The following CD8B variants were observed in gnomAD, a reference collection of about 807,000 sequenced individuals.
CD8B encodes the protein CD8 subunit beta.
CD8B carries 6 observed loss-of-function variants against 24.2 expected under a neutral mutation model. The observed-to-expected ratio is 0.25, with a 90% CI of 0.14 to 0.49. CD8B has a LOEUF of 0.49. CD8B is among the 20% of genes least tolerant of loss of function. The probability of loss-of-function intolerance (pLI) is 0.98; values close to 1 mark genes in which losing one functional copy is unlikely to be tolerated. For missense variants in CD8B, 196 were observed against 271.3 expected, an observed-to-expected ratio of 0.72 and a Z score of 1.95; for synonymous variants, 84 against 108.3, an observed-to-expected ratio of 0.78 and a Z score of 1.39.
rs983990583 is a variant in CD8B, at chr2:86,843,874, C to T, written c.620+1048G>A. 2.3e-4 allele frequency among the ~76,000 whole-genome samples: 35 copies of T among 152,250 alleles called. 1 individual carries two copies. Among genetic ancestry groups the T allele is most frequent in the South Asian group, 1.7e-3 (8 of 4,832 alleles). On this transcript the variant is annotated intron_variant, in intron 5 of 5. Coordinates refer to ENST00000390655, the MANE Select transcript of CD8B (RefSeq NM_004931.5). The stretch of plus-strand genomic sequence containing the variant: ...TGGCTGTCACATGGTGATTGGCAGA[C>T]GGGATTCAAACCCAGCCCTGTCTCC...
Position 86,815,676 on chromosome 2 carries a change from G to T in CD8B, c.663C>A (p.Cys221Ter). ...TAGTATTGCTGTAGTATCCATGCAG[G>T]CATTGGGGGACAAAGGTTCCTGATA... The change falls in exon 6 of 6, where the codon TGC (cysteine) becomes TGA (stop). Residue 221 changes from cysteine (C) to a stop codon, truncating the protein, a stop_gained. Coordinates refer to the CD8B transcript ENST00000331469. LOFTEE classifies it low-confidence loss of function (END_TRUNC). 6.2e-7 allele frequency: 1 copy of T among 1,613,210 alleles called. No homozygotes were observed. Among genetic ancestry groups the T allele is most frequent in the Non-Finnish European group, 8.5e-7 (1 of 1,179,196 alleles).
chr2:86,846,739 C>G lies in CD8B; in HGVS notation c.528G>C (p.Leu176=). The change falls in exon 4 of 6, where the codon CTG becomes CTC. Residue 176 remains leucine, a synonymous_variant. Coordinates refer to ENST00000390655, the MANE Select transcript of CD8B (RefSeq NM_004931.5). ...CCAGCAGAACCAGGACGCCAGCCAC[C>G]AGCAGGCCAAGGGTGATGGGGCTAC... is the stretch of plus-strand genomic sequence containing the variant. ...PLCSPITLGL[L]VAGVLVLLVS... 1 of 1,585,120 alleles carries G rather than the reference C, an allele frequency of 6.3e-7. No homozygotes were observed. The highest frequency in any genetic ancestry group is 1.2e-5 in the South Asian group (1 of 86,498).
intron 2 of CD8B, among the ~76,000 whole-genome samples, chr2:86,855,837 T>C (rs1676209666): frequency 6.6e-6 from 1 of 152,220 alleles, no homozygotes; most frequent in South Asian, 2.1e-4. Flanking sequence ...CTCAGTGCCT[T>C]GGCTGGGCAC....
chr2:86,861,596 G>A (rs1164898027), intron 1 of CD8B, among the ~76,000 whole-genome samples: 7 of 152,290 alleles, frequency 4.6e-5, no homozygotes, highest in East Asian at 3.9e-4. Flanking sequence ...TTTGAGGGGA[G>A]GTGGCCTCAG....
At chr2:86,850,999 G>C (rs1272259465) in intron 3 of CD8B, among the ~76,000 whole-genome samples, 1 of 151,362 alleles carries the variant, frequency 6.6e-6, no homozygotes, top group Non-Finnish European at 1.5e-5. Context: ...GCTGAGGCAG[G>C]AGAATCACTT....
downstream of CD8B, among the ~76,000 whole-genome samples, chr2:86,835,660 T>A (rs1675147791): frequency 6.6e-6 from 1 of 151,272 alleles, no homozygotes; most frequent in Admixed American, 6.6e-5. Context: ...AAGAGGAGCC[T>A]CCACCCCTCC....
chr2:86,835,447 C>T (rs946673349), downstream of CD8B, among the ~76,000 whole-genome samples: 38 of 152,286 alleles, frequency 2.5e-4, no homozygotes, highest in East Asian at 9.7e-4. Context: ...AAGGCAGGCC[C>T]GCCTTTTGTG....
chr2:86,818,020 G>A (rs991844922), intron 5 of CD8B, among the ~76,000 whole-genome samples: 3 of 152,044 alleles, frequency 2.0e-5, no homozygotes, highest in African/African-American at 7.2e-5. Flanking sequence ...GACCAGCCTG[G>A]CCAACATGAT....
intron 3 of CD8B, among the ~76,000 whole-genome samples, chr2:86,848,557 C>T (rs1441480081): frequency 6.6e-6 from 1 of 151,906 alleles, no homozygotes; most frequent in Non-Finnish European, 1.5e-5. Flanking sequence ...GGCAAGGCTG[C>T]AGATTTGGGC....
At chr2:86,842,408 G>C in intron 5 of CD8B, 89 bp from the exon 6 acceptor site, 2 of 1,572,538 alleles carry the variant, frequency 1.3e-6, no homozygotes, top group Non-Finnish European at 1.7e-6. Context: ...AAATGAGAAT[G>C]CAGAGTTCTA....
chr2:86,843,356 C>A (rs1306862027), intron 5 of CD8B: 1 of 718,436 alleles, frequency 1.4e-6, no homozygotes, highest in Admixed American at 6.3e-5. Context: ...TTGGGCCTCC[C>A]AAAGTGCTGG....
chr2:86,833,346 A>C (rs1353596046), downstream of CD8B, among the ~76,000 whole-genome samples: 1 of 151,574 alleles, frequency 6.6e-6, no homozygotes, highest in Non-Finnish European at 1.5e-5. Context: ...TGCCCGGCTA[A>C]TTTTTGTATT....
downstream of CD8B, among the ~76,000 whole-genome samples, chr2:86,836,480 G>C (rs951210344): frequency 6.6e-6 from 1 of 152,140 alleles, no homozygotes; most frequent in Non-Finnish European, 1.5e-5. Flanking sequence ...AGATATATTT[G>C]AACCAGCATC....
At chr2:86,819,168 CCTT>C (rs1674371224) in intron 5 of CD8B, among the ~76,000 whole-genome samples, 1 of 152,182 alleles carries the variant, frequency 6.6e-6, no homozygotes, top group African/African-American at 2.4e-5. Context: ...GATACCATCT[CCTT>C]AACATCAAAA....
chr2:86,851,714 A>T (rs901233033), intron 3 of CD8B, among the ~76,000 whole-genome samples: 3 of 152,182 alleles, frequency 2.0e-5, no homozygotes, highest in Non-Finnish European at 4.4e-5. Context: ...TCTGGGTAGC[A>T]GCAGATGGCA....
chr2:86,849,647 T>C (rs1457123997), intron 3 of CD8B, among the ~76,000 whole-genome samples: 1 of 152,068 alleles, frequency 6.6e-6, no homozygotes, highest in Non-Finnish European at 1.5e-5. Context: ...ATCATTGAAT[T>C]TGTATGCTTA....
In CD8B at chr2:86,839,182, T is replaced by G. The variant is rs1675304808; in HGVS notation, c.*3125A>C. Among the ~76,000 whole-genome samples the G allele has an allele frequency of 6.6e-6, 1 of 152,252 alleles. No individual in the cohort carries two copies. The highest frequency in any genetic ancestry group is 2.1e-4 in the South Asian group (1 of 4,836). On this transcript the variant is annotated 3_prime_UTR_variant, in exon 6 of 6. Coordinates refer to ENST00000390655, the MANE Select transcript of CD8B (RefSeq NM_004931.5). ...ATAATCTATACAGATGTTTTAAAAATATATGCATTTGTCATAACCATCATT... is the reference window on the plus strand; with the variant it reads ...ATAATCTATACAGATGTTTTAAAAAGATATGCATTTGTCATAACCATCATT...
chr2:86,824,575 C>T (rs891593213), intron 5 of CD8B, among the ~76,000 whole-genome samples: 1 of 152,202 alleles, frequency 6.6e-6, no homozygotes, highest in Non-Finnish European at 1.5e-5. Context: ...AACCCATTCC[C>T]TTCCTGGGGT....
rs1157282769 is a variant in CD8B, at chr2:86,846,936, T to C, written c.494-163A>G. Among the ~76,000 whole-genome samples, 177 of 127,060 alleles carry C rather than the reference T, an allele frequency of 1.4e-3. 5 individuals are homozygous for C. Among genetic ancestry groups the C allele is most frequent in the African/African-American group, 5.1e-3 (159 of 31,332 alleles). The allele number at this position is 127,060 out of a possible 152,430, so 83.4% of individuals were successfully genotyped here. A position where few individuals can be genotyped will look rare whatever the true frequency, so the allele number is the denominator to read the frequency against. ...GTATTTTTCCTCAAGTATTTTTTTT[T>C]TTTTTTTTTTTTTTTTTTTGAGACA... is the stretch of plus-strand genomic sequence containing the variant. On this transcript the variant is annotated intron_variant, in intron 3 of 5. Transcript: ENST00000390655.
Sources: gnomAD v4.1 joint callset for allele counts (sites outside exome capture counted in the v4.1 genomes callset) on GRCh38, gnomAD v4.1.1 for gene constraint, MANE v1.5 for transcripts, NCBI Gene and HGNC (gene_info 2026-07-23, HGNC 2026-07-21) for gene names.